Variants in CYRIA observed in about 807,000 individuals in gnomAD.
CYRIA encodes CYFIP related Rac1 interactor A.
A neutral mutation model predicts 43.9 loss-of-function variants in CYRIA; 15 were observed. That is an observed-to-expected ratio of 0.34 (90% CI 0.23 to 0.53). CYRIA has a LOEUF of 0.53. Among genes scored for constraint, CYRIA ranks in the 20% least tolerant of loss-of-function variants. The pLI is 0.94. For missense variants in CYRIA, 236 were observed against 394.2 expected (o/e 0.60, Z 3.40); for synonymous variants, 117 against 136.0 (o/e 0.86, Z 0.97).
At chr2:16,578,961 G>T (rs1305676863) in intron 3 of CYRIA, among the ~76,000 whole-genome samples, 4 of 151,966 alleles carry the variant, frequency 2.6e-5, no homozygotes, top group African/African-American at 9.7e-5. Flanking sequence ...ACATACCCAG[G>T]CACATCATAG....
chr2:16,649,461 C>T (rs574673766), intron 1 of CYRIA, among the ~76,000 whole-genome samples: 6 of 151,792 alleles, frequency 4.0e-5, no homozygotes, highest in Non-Finnish European at 8.8e-5. Context: ...CAGTACAGGG[C>T]ATGGTTATAC....
Position 16,613,549 on chromosome 2 carries a change from T to TTA in CYRIA, c.-11+10314_-11+10315insTA, listed in dbSNP as rs1558426942. On this transcript the variant is annotated intron_variant, in intron 2 of 11. Coordinates refer to ENST00000381323, the MANE Select transcript of CYRIA (RefSeq NM_030797.4). ...TCACAATTACCCTCCAGTAGGTTAG[T>TTA]TTGAAGAGTTACTATATTGTATATT... 9.2e-3 allele frequency among the ~76,000 whole-genome samples: 1,400 copies of TTA among 152,326 alleles called. 22 individuals carry two copies. Among genetic ancestry groups the TTA allele is most frequent in the African/African-American group, 0.032 (1,321 of 41,564 alleles).
chr2:16,639,589 C>T (rs1187347112), intron 1 of CYRIA, among the ~76,000 whole-genome samples: 1 of 152,218 alleles, frequency 6.6e-6, no homozygotes. Flanking sequence ...GGAATGGTTT[C>T]CAACCACTGC....
chr2:16,556,359 C>T (rs79348652), intron 10 of CYRIA, among the ~76,000 whole-genome samples: 315 of 152,236 alleles, frequency 2.1e-3, no homozygotes, highest in Non-Finnish European at 3.7e-3. Flanking sequence ...TATGCCACCC[C>T]AGACCTGGGA....
chr2:16,628,885 C>T (rs1472650863), intron 1 of CYRIA, among the ~76,000 whole-genome samples: 1 of 152,204 alleles, frequency 6.6e-6, no homozygotes, highest in Non-Finnish European at 1.5e-5. Context: ...TATAGATAAA[C>T]AGGCTGATGC....
At chr2:16,630,891 C>T (rs1489252560) in intron 1 of CYRIA, among the ~76,000 whole-genome samples, 2 of 152,212 alleles carry the variant, frequency 1.3e-5, no homozygotes, top group Non-Finnish European at 2.9e-5. Flanking sequence ...TTTGAGATGT[C>T]AGCGGCTGAC....
chr2:16,621,789 ACT>A (rs1669004450), intron 2 of CYRIA, among the ~76,000 whole-genome samples: 1 of 151,580 alleles, frequency 6.6e-6, no homozygotes, highest in African/African-American at 2.4e-5. Context: ...ATTTCCCTCA[ACT>A]CTCTAGCTCT....
chr2:16,653,296 C>T (rs930584557), intron 1 of CYRIA, among the ~76,000 whole-genome samples: 2 of 152,250 alleles, frequency 1.3e-5, no homozygotes, highest in Non-Finnish European at 2.9e-5. Flanking sequence ...GCAGTTTCTT[C>T]ATCTGGCCAG....
intron 1 of CYRIA, among the ~76,000 whole-genome samples, chr2:16,625,521 GC>G (rs34778270): frequency 6.6e-6 from 1 of 152,178 alleles, no homozygotes; most frequent in South Asian, 2.1e-4. Context: ...GTGGAGCTGG[GC>G]CCTGCATTTT....
intron 1 of CYRIA, among the ~76,000 whole-genome samples, chr2:16,653,582 A>G (rs1250741474): frequency 2.7e-5 from 4 of 150,666 alleles, no homozygotes; most frequent in Admixed American, 2.6e-4. Context: ...TCTTTCCCCA[A>G]CAAAATATAA....
chr2:16,588,020 G>A (rs1667796117), intron 3 of CYRIA, 30 bp downstream of exon 3: 1 of 1,402,898 alleles, frequency 7.1e-7, no homozygotes, highest in Non-Finnish European at 1.0e-6. Flanking sequence ...ATGTAAAAAA[G>A]TTTCCATTAT....
intron 1 of CYRIA, among the ~76,000 whole-genome samples, chr2:16,628,029 CG>C: frequency 6.6e-6 from 1 of 152,262 alleles, no homozygotes; most frequent in South Asian, 2.1e-4. Flanking sequence ...CACACATGCC[CG>C]GGACACCAGG....
intron 2 of CYRIA, among the ~76,000 whole-genome samples, chr2:16,620,351 T>C (rs1036697529): frequency 1.3e-5 from 2 of 152,200 alleles, no homozygotes; most frequent in African/African-American, 4.8e-5. Context: ...GTTCTAACCA[T>C]TTCACAGCTA....
intron 2 of CYRIA, among the ~76,000 whole-genome samples, chr2:16,607,137 G>A (rs1220802015): frequency 6.6e-6 from 1 of 152,164 alleles, no homozygotes; most frequent in Non-Finnish European, 1.5e-5. Context: ...TCTGAAAGGA[G>A]CAATTGCCCT....
intron 1 of CYRIA, among the ~76,000 whole-genome samples, chr2:16,631,698 A>G (rs768037686): frequency 6.6e-6 from 1 of 152,212 alleles, no homozygotes; most frequent in Non-Finnish European, 1.5e-5. Flanking sequence ...TTTAGTATCT[A>G]TTTGAATTTC....
intron 2 of CYRIA, among the ~76,000 whole-genome samples, chr2:16,604,578 A>G (rs1668325032): frequency 6.6e-6 from 1 of 152,372 alleles, no homozygotes; most frequent in African/African-American, 2.4e-5. Flanking sequence ...ACCCACTTCC[A>G]TTTAATCATC....
chr2:16,650,116 G>A lies in CYRIA; in HGVS notation c.-167+15664C>T, dbSNP rs542394128. Among the ~76,000 whole-genome samples the A allele has an allele frequency of 1.0e-3, 158 of 152,256 alleles. 1 individual carries two copies. The highest frequency in any genetic ancestry group is 3.6e-3 in the African/African-American group (151 of 41,538). ...GAAGCCAACCTGCAGCCCCTGACACGTGGCACAGCAAGACAGTCGTCGCCA... is the reference window on the plus strand; with the variant it reads ...GAAGCCAACCTGCAGCCCCTGACACATGGCACAGCAAGACAGTCGTCGCCA... On this transcript the variant is annotated intron_variant, in intron 1 of 11. Transcript: ENST00000381323. This position sits in a 1 kb window ranked among gnomAD's most constrained non-coding sequence, Gnocchi z 4.1.
intron 2 of CYRIA, among the ~76,000 whole-genome samples, chr2:16,620,423 G>A (rs940577437): frequency 6.6e-6 from 1 of 152,146 alleles, no homozygotes; most frequent in Non-Finnish European, 1.5e-5. Context: ...ATCAATGGTG[G>A]GAAGGGACAT....
chr2:16,620,576 T>C (rs921668725), intron 2 of CYRIA, among the ~76,000 whole-genome samples: 3 of 152,230 alleles, frequency 2.0e-5, no homozygotes, highest in African/African-American at 7.2e-5. Context: ...CAAATAAAAT[T>C]AGGCTCTTTG....
Sources: allele counts gnomAD v4.1 joint callset (sites outside exome capture counted in the v4.1 genomes callset), GRCh38; gene constraint gnomAD v4.1.1; non-coding constraint Gnocchi (gnomAD v3.1); transcripts MANE v1.5; gene names NCBI Gene and HGNC (gene_info 2026-07-23, HGNC 2026-07-21).